PAG1: variants seen among roughly 807,000 people sequenced by gnomAD.
PAG1 encodes phosphoprotein membrane anchor with glycosphingolipid microdomains 1.
PAG1 carries 23 observed loss-of-function variants against 31.7 expected under a neutral mutation model. The observed-to-expected ratio is 0.73, with a 90% confidence interval of 0.52 to 1.03. The LOEUF is 1.03. PAG1 is among the 50% of genes least tolerant of loss of function. The pLI is 0.00. For synonymous variants in PAG1, 214 were observed against 210.3 expected (o/e 1.02, Z -0.15); for missense variants, 473 against 540.7 (o/e 0.87, Z 1.24).
At chr8:81,006,941 A>G (rs984588243) in intron 3 of PAG1, among the ~76,000 whole-genome samples, 35 of 152,322 alleles carry the variant, frequency 2.3e-4, no homozygotes, top group Middle Eastern at 3.4e-3. Context: ...AAGGCAGTCA[A>G]CATGGTCACT....
rs540129667 is a variant in PAG1, at chr8:81,073,620, T to C, written c.-233-3450A>G. 5.3e-5 allele frequency among the ~76,000 whole-genome samples: 8 copies of C among 152,338 alleles called. No homozygotes were observed. The South Asian group carries it at 1.7e-3, about 32-fold the overall frequency. On this transcript the variant is annotated intron_variant, in intron 1 of 8. Transcript: ENST00000220597. ...TGTCCAAACACAATCACATCTCCCA[T>C]GCTAGTATCTATCCAAATACTTTCT...
rs1236620381 is a variant in PAG1 at position 81,034,640 on chromosome 8, G to T, written c.-174-4551C>A. Among the ~76,000 whole-genome samples, 3 of 152,288 alleles carry T rather than the reference G, an allele frequency of 2.0e-5. No individual in the cohort carries two copies. In the East Asian group the frequency reaches 5.8e-4, roughly 29 times the overall value. On this transcript the variant is annotated intron_variant, in intron 2 of 8. Transcript: ENST00000220597. ...TAAATTTGAGCTAGGAGTAAGAAAG[G>T]TTCTTCTGTGCTCCAGAGGCTTAGT...
chr8:81,004,159 G>T (rs1807834760), intron 3 of PAG1, among the ~76,000 whole-genome samples: 1 of 152,204 alleles, frequency 6.6e-6, no homozygotes, highest in Non-Finnish European at 1.5e-5. Flanking sequence ...TGCACGGACA[G>T]GTAACGCAGA....
chr8:80,988,253 T>C (rs1807467248), intron 5 of PAG1, among the ~76,000 whole-genome samples: 2 of 152,136 alleles, frequency 1.3e-5, no homozygotes, highest in South Asian at 2.1e-4. Context: ...ACAGGTGCTG[T>C]AAATCATTAT....
intron 2 of PAG1, among the ~76,000 whole-genome samples, chr8:81,030,462 T>G (rs746581285): frequency 6.6e-6 from 1 of 152,252 alleles, no homozygotes; most frequent in Non-Finnish European, 1.5e-5. Flanking sequence ...AACTGTTTTC[T>G]GAATTTGAAA....
At chr8:81,056,651 T>G (rs1808827195) in intron 2 of PAG1, among the ~76,000 whole-genome samples, 1 of 152,166 alleles carries the variant, frequency 6.6e-6, no homozygotes. Context: ...ATTCAGGACA[T>G]AGGCACGGGC....
chr8:81,052,476 G>A (rs1808749684), intron 2 of PAG1, among the ~76,000 whole-genome samples: 1 of 152,070 alleles, frequency 6.6e-6, no homozygotes, highest in Non-Finnish European at 1.5e-5. Flanking sequence ...GCAGACTGAT[G>A]GTGGGTGGCA....
chr8:81,024,387 C>G (rs1808239761), intron 3 of PAG1, among the ~76,000 whole-genome samples: 1 of 152,160 alleles, frequency 6.6e-6, no homozygotes, highest in Non-Finnish European at 1.5e-5. Context: ...CACCCCCGGG[C>G]TCCTGGCACA....
intron 3 of PAG1, among the ~76,000 whole-genome samples, chr8:81,015,445 C>G (rs893765164): frequency 3.3e-5 from 5 of 152,272 alleles, no homozygotes; most frequent in African/African-American, 1.2e-4. Flanking sequence ...ACTGTCAGGC[C>G]AAGATACACA....
At chr8:81,020,075 T>G (rs1808136813) in intron 3 of PAG1, among the ~76,000 whole-genome samples, 2 of 152,202 alleles carry the variant, frequency 1.3e-5, no homozygotes, top group Admixed American at 1.3e-4. Flanking sequence ...GTAACCCCTT[T>G]GTTTTGGCCA....
intron 1 of PAG1, among the ~76,000 whole-genome samples, chr8:81,101,551 C>G (rs555590547): frequency 2.0e-4 from 30 of 152,306 alleles, no homozygotes; most frequent in African/African-American, 6.5e-4. Context: ...CTACCACAGA[C>G]AGTTACGTGT....
intron 3 of PAG1, among the ~76,000 whole-genome samples, chr8:81,002,212 C>T (rs1403661564): frequency 2.1e-5 from 3 of 145,444 alleles, no homozygotes; most frequent in African/African-American, 7.5e-5. Context: ...ATTCAGCCAC[C>T]TTTTTTTTTT....
At chr8:81,038,541 G>A (rs748800765) in intron 2 of PAG1, among the ~76,000 whole-genome samples, 3 of 152,168 alleles carry the variant, frequency 2.0e-5, no homozygotes, top group Non-Finnish European at 4.4e-5. Flanking sequence ...ATGCAGGGCC[G>A]TGTGTGAACT....
chr8:81,099,485 T>A (rs1335712561), intron 1 of PAG1, among the ~76,000 whole-genome samples: 1 of 152,166 alleles, frequency 6.6e-6, no homozygotes, highest in Non-Finnish European at 1.5e-5. Context: ...AGAGTTCCGA[T>A]AACTAAGAGT....
At chr8:81,074,292 C>T (rs749628986) in intron 1 of PAG1, among the ~76,000 whole-genome samples, 24 of 152,140 alleles carry the variant, frequency 1.6e-4, no homozygotes, top group Non-Finnish European at 2.6e-4. Flanking sequence ...AGCTGTGTTA[C>T]GCAGGGTTGG....
intron 7 of PAG1, among the ~76,000 whole-genome samples, chr8:80,983,018 G>A (rs1807339887): frequency 6.6e-6 from 1 of 152,172 alleles, no homozygotes; most frequent in African/African-American, 2.4e-5. Context: ...CCATTCTGCT[G>A]CTCGGGACTC....
At chr8:81,028,035 A>T (rs942135303) in intron 3 of PAG1, among the ~76,000 whole-genome samples, 3 of 151,534 alleles carry the variant, frequency 2.0e-5, no homozygotes, top group African/African-American at 7.3e-5. Flanking sequence ...AGGCTCTCCC[A>T]CTCTCTAGCT....
In PAG1 at chr8:80,980,441, T is replaced by C. The variant is rs760553162; in HGVS notation, c.930A>G (p.Glu310=). ...AAAAAGAAACAAAACTTACCTCTTC[T>C]TCTGTGAGAGTGGGGTCTTCTTCCC... ...KSREEDPTLT[E]EEISAMYSSV... Residue 310 remains glutamate, a synonymous_variant, in exon 8 of 9, where the codon GAA becomes GAG. Coordinates refer to ENST00000220597, the MANE Select transcript of PAG1 (RefSeq NM_018440.4). 6.3e-6 allele frequency: 10 copies of C among 1,589,054 alleles called. No homozygotes were observed. The Admixed American group carries it at 1.3e-4, about 21-fold the overall frequency.
Position 80,976,550 on chromosome 8 carries a change from C to G in PAG1, c.1293G>C (p.Arg431Ser), listed in dbSNP as rs766777913. 5.6e-6 allele frequency: 9 copies of G among 1,609,612 alleles called. No individual in the cohort carries two copies. The East Asian group carries it at 1.8e-4, about 32-fold the overall frequency. The change falls in exon 9 of 9, where the codon AGG becomes AGC. Residue 431 changes from arginine (R) to serine (S), a missense_variant. Transcript: ENST00000220597. ...AGGGTTGTCTTCTGGGTTGCTAGAG[C>G]CTGGTAATATCTCTGCCTTGCTGCA... is the stretch of plus-strand genomic sequence containing the variant. The part of the protein sequence containing the change: ...SDLQQGRDIT[R>S]L
Sources: allele counts gnomAD v4.1 joint callset (sites outside exome capture counted in the v4.1 genomes callset), GRCh38; gene constraint gnomAD v4.1.1; transcripts MANE v1.5; gene names NCBI Gene and HGNC (gene_info 2026-07-23, HGNC 2026-07-21).